The following KLHL32 variants were observed in gnomAD, a reference collection of about 807,000 sequenced individuals.
KLHL32 encodes the protein kelch like family member 32.
Under a neutral mutation model 64.8 loss-of-function variants are expected in KLHL32, and 35 were observed. That is an observed-to-expected ratio of 0.54 (90% CI 0.41 to 0.72). The LOEUF (loss-of-function observed/expected upper bound fraction) is 0.72, where lower values mean the gene tolerates loss of function less well. Among genes scored for constraint, KLHL32 ranks in the 30% least tolerant of loss-of-function variants. The pLI is 0.00. For synonymous variants in KLHL32, 259 were observed against 281.0 expected (o/e 0.92, Z 0.78); for missense variants, 589 against 768.5 (o/e 0.77, Z 2.76).
chr6:96,980,025 T>G (rs1776129386), intron 3 of KLHL32, among the ~76,000 whole-genome samples: 1 of 152,238 alleles, frequency 6.6e-6, no homozygotes, highest in Admixed American at 6.5e-5. Context: ...TCCTGAAACT[T>G]TGCTGAAGTT....
chr6:97,059,674 A>G (rs963126841), intron 4 of KLHL32, among the ~76,000 whole-genome samples: 1 of 152,024 alleles, frequency 6.6e-6, no homozygotes, highest in Non-Finnish European at 1.5e-5. Context: ...TCCTTAGTGC[A>G]GTGGTTTTGA....
At chr6:97,121,385 G>A (rs1316739650) in intron 7 of KLHL32, among the ~76,000 whole-genome samples, 1 of 152,186 alleles carries the variant, frequency 6.6e-6, no homozygotes, top group Non-Finnish European at 1.5e-5. Context: ...GCTATCTGGG[G>A]ATTTGTTTAG....
intron 5 of KLHL32, among the ~76,000 whole-genome samples, chr6:97,069,264 C>T (rs371186318): frequency 6.6e-6 from 1 of 152,106 alleles, no homozygotes; most frequent in Admixed American, 6.6e-5. Context: ...CTCAGCATCC[C>T]TTGTCTTCGT....
the KLHL32 span, among the ~76,000 whole-genome samples, chr6:96,909,145 G>C: frequency 6.6e-6 from 1 of 152,038 alleles, no homozygotes; most frequent in Admixed American, 6.6e-5. Flanking sequence ...TAAGTTATCA[G>C]ACAAGAGGGA....
chr6:96,974,201 CTG>C lies in KLHL32; in HGVS notation c.24-1795_24-1794del, dbSNP rs1440725480. Among the ~76,000 whole-genome samples, 3 of 152,138 alleles carry C rather than the reference CTG, an allele frequency of 2.0e-5. No homozygotes were observed. In the East Asian group the frequency reaches 5.8e-4, roughly 29 times the overall value. On this transcript the variant is annotated intron_variant, in intron 2 of 10. Coordinates refer to ENST00000369261, the MANE Select transcript of KLHL32 (RefSeq NM_052904.4). ...TACATGAACTAGTCATTGTAAATCA[CTG>C]AGAATAGTTCATGGGACACGGTAAG...
intron 4 of KLHL32, among the ~76,000 whole-genome samples, chr6:97,057,531 T>C (rs1184343211): frequency 6.6e-6 from 1 of 151,872 alleles, no homozygotes; most frequent in Non-Finnish European, 1.5e-5. Flanking sequence ...TGGTGAGGTA[T>C]CCGCTCAGAT....
At chr6:96,933,978 C>G (rs891338025) in intron 1 of KLHL32, among the ~76,000 whole-genome samples, 1 of 152,170 alleles carries the variant, frequency 6.6e-6, no homozygotes, top group Non-Finnish European at 1.5e-5. Flanking sequence ...AACTCTGTGC[C>G]TAAGTCTCCT....
chr6:97,091,486 C>A (rs1260954101), intron 6 of KLHL32, among the ~76,000 whole-genome samples: 2 of 152,184 alleles, frequency 1.3e-5, no homozygotes, highest in African/African-American at 4.8e-5. Context: ...ATGGGAAGCA[C>A]CAACAGGGTC....
chr6:97,130,971 A>C, intron 9 of KLHL32, 22 bp downstream of exon 9: 1 of 1,597,940 alleles, frequency 6.3e-7, no homozygotes, highest in Non-Finnish European at 8.5e-7. Context: ...TGATTAAGTA[A>C]ATCAGGAAAA....
At chr6:97,077,882 A>C (rs1791852998) in intron 5 of KLHL32, among the ~76,000 whole-genome samples, 1 of 152,242 alleles carries the variant, frequency 6.6e-6, no homozygotes, top group Admixed American at 6.5e-5. Flanking sequence ...AAAGCATACG[A>C]TGCGAAATCT....
intron 8 of KLHL32, 63 bp from the exon 9 acceptor site, chr6:97,130,694 C>T (rs1036687725): frequency 2.5e-5 from 33 of 1,336,418 alleles, no homozygotes; most frequent in African/African-American, 4.4e-5. Context: ...ATGAGGCACT[C>T]GTTGCTGTTT....
intron 4 of KLHL32, among the ~76,000 whole-genome samples, chr6:97,045,477 T>C (rs1582831508): frequency 7.1e-6 from 1 of 140,982 alleles, no homozygotes; most frequent in South Asian, 2.1e-4. Context: ...TGGGATGAAA[T>C]AGTAATTTTT....
At chr6:96,968,236 G>A (rs1378848157) in intron 2 of KLHL32, among the ~76,000 whole-genome samples, 4 of 152,122 alleles carry the variant, frequency 2.6e-5, no homozygotes, top group East Asian at 3.9e-4. Flanking sequence ...ACCAGTGTAC[G>A]TTGTGCAATA....
rs115380009 is a variant in KLHL32 at position 96,977,639 on chromosome 6, T to C, written c.204+1462T>C. The stretch of plus-strand genomic sequence containing the variant: ...ACACCAACTTAGGCCCATGAGCAAT[T>C]TGTTGATTGGTTTGAATATTTCTAA... On this transcript the variant is annotated intron_variant, in intron 3 of 10. Coordinates refer to ENST00000369261, the MANE Select transcript of KLHL32 (RefSeq NM_052904.4). 9.1e-3 allele frequency among the ~76,000 whole-genome samples: 1,381 copies of C among 152,246 alleles called. 29 individuals carry two copies. The highest frequency in any genetic ancestry group is 0.032 in the African/African-American group (1,325 of 41,538).
At chr6:96,957,856 A>C (rs1773443690) in intron 1 of KLHL32, among the ~76,000 whole-genome samples, 1 of 152,220 alleles carries the variant, frequency 6.6e-6, no homozygotes, top group Non-Finnish European at 1.5e-5. Context: ...ATTTAATGTA[A>C]CATTATTTTA....
chr6:97,075,452 G>A (rs1406963270), intron 5 of KLHL32, among the ~76,000 whole-genome samples: 1 of 151,944 alleles, frequency 6.6e-6, no homozygotes, highest in African/African-American at 2.4e-5. Context: ...TCAATGAATT[G>A]CTCATTTTTT....
chr6:97,007,477 ATGTGTCATTTGAGCCAT>A (rs1449078550), intron 3 of KLHL32, among the ~76,000 whole-genome samples: 1 of 151,980 alleles, frequency 6.6e-6, no homozygotes, highest in Non-Finnish European at 1.5e-5. Context: ...TTTGAATTCT[ATGTGTCATTTGAGCCAT>A]TTCAGCCTGG....
At chr6:96,966,936 C>G in intron 1 of KLHL32, 60 bp from the exon 2 acceptor site, 1 of 771,370 alleles carries the variant, frequency 1.3e-6, no homozygotes, top group Admixed American at 2.0e-5. Flanking sequence ...TCAGGAAGAC[C>G]CAGAGTGTGC....
intron 7 of KLHL32, among the ~76,000 whole-genome samples, chr6:97,126,320 T>C (rs191206030): frequency 4.1e-4 from 63 of 152,020 alleles, no homozygotes; most frequent in Middle Eastern, 3.4e-3. Flanking sequence ...CTATTGGTGA[T>C]ATTTTCTTAC....
Sources: gnomAD v4.1 joint callset for allele counts (sites outside exome capture counted in the v4.1 genomes callset) on GRCh38, gnomAD v4.1.1 for gene constraint, MANE v1.5 for transcripts, NCBI Gene and HGNC (gene_info 2026-07-23, HGNC 2026-07-21) for gene names.